The following NOTCH3 variants were observed in gnomAD, a reference collection of about 807,000 sequenced individuals.
NOTCH3 encodes notch receptor 3, also known as neurogenic locus notch homolog protein 3.
NOTCH3 carries 86 observed loss-of-function variants against 213.3 expected under a neutral mutation model. The ratio of observed to expected loss-of-function variants is 0.40; its 90% CI spans 0.34 to 0.48. The LOEUF is 0.48. NOTCH3 is among the 20% of genes least tolerant of loss of function. NOTCH3 has a pLI of 0.57. For synonymous variants in NOTCH3, 1,354 were observed against 1,355.9 expected, an observed-to-expected ratio of 1.00 and a Z score of 0.03; for missense variants, 2,783 against 3,272.6, an observed-to-expected ratio of 0.85 and a Z score of 3.65.
In NOTCH3 at chr19:15,185,524, G is replaced by A. The variant is rs1243021412; in HGVS notation, c.2107C>T (p.Pro703Ser). The A allele has an allele frequency of 1.2e-6, 2 of 1,613,384 alleles. No individual in the cohort carries two copies. The highest frequency in any genetic ancestry group is 1.7e-5 in the Admixed American group (1 of 59,978). The change falls in exon 13 of 33, where the codon CCC becomes TCC. Residue 703 changes from proline (P) to serine (S), a missense_variant. Pro to Ser is a moderately conservative substitution (Grantham distance 74). Transcript: ENST00000263388. This position sits in a 1 kb window ranked among gnomAD's most constrained non-coding sequence, Gnocchi z 4.2. ...LPPSHPCAHE[P>S]CSHGICYDAP... ...TCATAGCAGATGCCGTGACTGCAGG[G>A]CTCATGGGCACAGGGATGGCTCGGG...
Position 15,179,536 on chromosome 19 carries a change from G to A in NOTCH3, c.3328-40C>T, listed in dbSNP as rs539201275. ...GAGAGGGACCCACTCAGCTTAGTGG[G>A]ACACAGACCCACCTGGACATACCCA... On this transcript the variant is annotated intron_variant, in intron 20 of 32. Transcript: ENST00000263388. The A allele has an allele frequency of 3.7e-6, 6 of 1,610,480 alleles. No homozygotes were observed. In the African/African-American group the frequency reaches 6.7e-5, roughly 18 times the overall value.
At position 15,170,426 on chromosome 19, in the gene NOTCH3, GGTGCTGTGCTC is replaced by G; in HGVS notation, c.5008_5018del (p.Glu1670ProfsTer5). ...GTGAGAAGCCCTCAGGGAACCAGAG[GGTGCTGTGCTC>G]GCGCTTGCGCCGGGCCACCATGACA... On this transcript the variant is annotated frameshift_variant, in exon 27 of 33. Transcript: ENST00000263388. LOFTEE classifies it high-confidence loss of function. The G allele has an allele frequency of 6.2e-7, 1 of 1,612,978 alleles. No individual in the cohort carries two copies. Among genetic ancestry groups the G allele is most frequent in the Non-Finnish European group, 8.5e-7 (1 of 1,180,006 alleles).
chr19:15,184,611 G>A (rs750183179), intron 15 of NOTCH3, among the ~76,000 whole-genome samples, 161 bp from the exon 16 acceptor site: 8 of 152,160 alleles, frequency 5.3e-5, no homozygotes, highest in Non-Finnish European at 1.2e-4. Context: ...TTTCAGAATG[G>A]CCGTCTCCCT....
At chr19:15,197,441 G>GGGGGGCCC in intron 2 of NOTCH3, 59 bp downstream of exon 2, 1 of 768,362 alleles carries the variant, frequency 1.3e-6, no homozygotes, top group Non-Finnish European at 2.3e-6. Context: ...AAGACAAATC[G>GGGGGGCCC]CCCCTCCCCC....
rs570703724 is a variant in NOTCH3 at position 15,192,019 on chromosome 19, C to T, written c.620G>A (p.Arg207His). ...PAVPCAPSPC[R>H]NGGTCRQSGD... ...ACTCTGCCTGCAGGTGCCCCCGTTA[C>T]GGCATGGTGAGGGTGCACAGGGCAC... The change falls in exon 4 of 33, where the codon CGT becomes CAT. Residue 207 changes from arginine to histidine, a missense_variant. Physicochemically the swap from Arg to His is conservative, Grantham distance 29. Transcript: ENST00000263388. 22 of 1,613,252 alleles carry T rather than the reference C, an allele frequency of 1.4e-5. No homozygotes were observed. Among genetic ancestry groups the T allele is most frequent in the South Asian group, 5.5e-5 (5 of 91,082 alleles).
chr19:15,195,154 G>A (rs1447309876), intron 2 of NOTCH3, among the ~76,000 whole-genome samples: 1 of 151,984 alleles, frequency 6.6e-6, no homozygotes, highest in African/African-American at 2.4e-5. Flanking sequence ...CTCACTCACA[G>A]GGACAGACAG....
chr19:15,192,477 G>A lies in NOTCH3; in HGVS notation c.240C>T (p.Asp80=), dbSNP rs1256046042. The stretch of plus-strand genomic sequence containing the variant: ...CAGCACAGGGGCCTGAGTGACAGGG[G>A]TCCTCCAGCTGACACCGCTCACCCA... The part of the protein sequence containing the change: ...GWVGERCQLE[D]PCHSGPCAGR... The change falls in exon 3 of 33, where the codon GAC becomes GAT. Residue 80 remains aspartate (D), a synonymous_variant. Coordinates refer to ENST00000263388, the MANE Select transcript of NOTCH3 (RefSeq NM_000435.3). 1 of 1,608,698 alleles carries A rather than the reference G, an allele frequency of 6.2e-7. No individual in the cohort carries two copies.
At position 15,180,251 on chromosome 19, in the gene NOTCH3, G is replaced by T. The variant is rs371525707; in HGVS notation, c.3148C>A (p.Arg1050=). The T allele has an allele frequency of 1.9e-6, 3 of 1,613,572 alleles. No homozygotes were observed. The East Asian group carries it at 6.7e-5, about 36-fold the overall frequency. ...CCCGCCTGACACAGCTGCTCCAGCC[G>T]CACCCCTGCAAAGAGGAGAGTGGCA... ...CREAAAQIGV[R]LEQLCQAGGQ... The change falls in exon 20 of 33, where the codon CGG becomes AGG. Residue 1050 remains arginine (R), a synonymous_variant. Coordinates refer to ENST00000263388, the MANE Select transcript of NOTCH3 (RefSeq NM_000435.3).
Position 15,178,448 on chromosome 19 carries a change from C to T in NOTCH3, c.3838-358G>A, listed in dbSNP as rs1398073573. 7 of 444,658 alleles carry T rather than the reference C, an allele frequency of 1.6e-5. No homozygotes were observed. The Admixed American group carries it at 1.8e-4, about 11-fold the overall frequency. The allele number at this position is 444,658 out of a possible 1,614,324, so 27.5% of individuals were successfully genotyped here. A position where few individuals can be genotyped will look rare whatever the true frequency, so the allele number is the denominator to read the frequency against. On this transcript the variant is annotated intron_variant, in intron 23 of 32. Coordinates refer to ENST00000263388, the MANE Select transcript of NOTCH3 (RefSeq NM_000435.3). Reference sequence around the variant, plus strand: ...CAGTCGCCAGGCTGGAGTGCAATGGCGTGATGGCTCACTGCAACCTCCGCC... The same window carrying T: ...CAGTCGCCAGGCTGGAGTGCAATGGTGTGATGGCTCACTGCAACCTCCGCC...
chr19:15,199,018 C>T (rs1460924800), intron 1 of NOTCH3, among the ~76,000 whole-genome samples: 1 of 152,214 alleles, frequency 6.6e-6, no homozygotes, highest in Non-Finnish European at 1.5e-5. Context: ...TATGCCCCTT[C>T]CTCACAGGAC....
rs765961752 is a variant in NOTCH3 at position 15,185,519 on chromosome 19, G to A, written c.2112C>T (p.Cys704=). The A allele has an allele frequency of 5.6e-6, 9 of 1,613,464 alleles. No homozygotes were observed. The South Asian group carries it at 8.8e-5, about 16-fold the overall frequency. The change falls in exon 13 of 33, where the codon TGC becomes TGT. Residue 704 remains cysteine, a synonymous_variant. Coordinates refer to ENST00000263388, the MANE Select transcript of NOTCH3 (RefSeq NM_000435.3). This position sits in a 1 kb window ranked among gnomAD's most constrained non-coding sequence, Gnocchi z 4.2. The part of the protein sequence containing the change: ...PPSHPCAHEP[C]SHGICYDAPG... ...GTGCATCATAGCAGATGCCGTGACT[G>A]CAGGGCTCATGGGCACAGGGATGGC...
rs545768883 is a variant in NOTCH3 at position 15,179,019 on chromosome 19, G to A, written c.3718+6C>T. On this transcript the variant is annotated splice_donor_region_variant and intron_variant, in intron 22 of 32. Transcript: ENST00000263388. ...GTCCCAGGCCAGCCCCTTCGCCAACGCTTACCTGAGAAGCCAGCATGACAA... is the reference window on the plus strand; with the variant it reads ...GTCCCAGGCCAGCCCCTTCGCCAACACTTACCTGAGAAGCCAGCATGACAA... 1.5e-5 allele frequency: 24 copies of A among 1,614,200 alleles called. 1 individual carries two copies. The highest frequency in any genetic ancestry group is 3.3e-4 in the Middle Eastern group (2 of 6,060).
intron 7 of NOTCH3, 32 bp from the exon 8 acceptor site, chr19:15,189,206 G>A (rs2046908480): frequency 6.2e-7 from 1 of 1,613,092 alleles, no homozygotes. Flanking sequence ...GTGTGGGCGT[G>A]GCTGGCCGGG....
chr19:15,172,989 TCCTCCC>T (rs1336200929), intron 25 of NOTCH3, among the ~76,000 whole-genome samples: 4 of 133,468 alleles, frequency 3.0e-5, no homozygotes, highest in Admixed American at 3.0e-4. Context: ...TTCCTCCTCC[TCCTCCC>T]CCTCCCCCTC....
intron 2 of NOTCH3, 59 bp downstream of exon 2, chr19:15,197,441 G>GCGCCCCCCCC: frequency 2.1e-5 from 16 of 768,342 alleles, no homozygotes; most frequent in East Asian, 2.7e-5. Flanking sequence ...AAGACAAATC[G>GCGCCCCCCCC]CCCCTCCCCC....
intron 2 of NOTCH3, among the ~76,000 whole-genome samples, chr19:15,195,854 CGGGCCGG>C (rs2046965850): frequency 6.6e-6 from 1 of 151,724 alleles, no homozygotes; most frequent in Non-Finnish European, 1.5e-5. Context: ...GCCGACCGGT[CGGGCCGG>C]TTCCAGCCCC....
Position 15,170,336 on chromosome 19 carries a change from GC to G in NOTCH3, c.5108del (p.Gly1703AlafsTer2). 1 of 1,612,746 alleles carries G rather than the reference GC, an allele frequency of 6.2e-7. No individual in the cohort carries two copies. The highest frequency in any genetic ancestry group is 8.5e-7 in the Non-Finnish European group (1 of 1,179,572). On this transcript the variant is annotated frameshift_variant, in exon 27 of 33. Transcript: ENST00000263388. LOFTEE classifies it high-confidence loss of function. Reference sequence around the variant, plus strand: ...GGAGCGAGCAGGGTTCTCACTTCATGCCCAGCGCGTCCTGGCCCACGGGTTC... The same window carrying G: ...GGAGCGAGCAGGGTTCTCACTTCATGCCAGCGCGTCCTGGCCCACGGGTTC... Reference protein sequence around the residue: ...RREPVGQDALGMKNMAKGESL... With the variant: ...RREPVGQDALXMKNMAKGESL...
chr19:15,162,186 T>C (rs1264274058), intron 32 of NOTCH3: 2 of 467,452 alleles, frequency 4.3e-6, no homozygotes, highest in African/African-American at 2.0e-5. Context: ...TTTACTACGT[T>C]GGCCAGGCTG....
rs1218502456 is a variant in NOTCH3 at position 15,160,680 on chromosome 19, C to T, written c.6948G>A (p.Lys2316=). 4.3e-6 allele frequency: 7 copies of T among 1,613,986 alleles called. No homozygotes were observed. Among genetic ancestry groups the T allele is most frequent in the Non-Finnish European group, 5.9e-6 (7 of 1,179,986 alleles). ...GAGCGTCTCAGGCCAACACTTGCCT[C>T]TTGGGGGTAACTTCCGGCTGGGGCC... ...QLGPQPEVTP[K]RQVLA Residue 2316 remains lysine, a synonymous_variant, in exon 33 of 33, where the codon AAG becomes AAA. Coordinates refer to ENST00000263388, the MANE Select transcript of NOTCH3 (RefSeq NM_000435.3).
Sources: allele counts gnomAD v4.1 joint callset (sites outside exome capture counted in the v4.1 genomes callset), GRCh38; gene constraint gnomAD v4.1.1; non-coding constraint Gnocchi (gnomAD v3.1); transcripts MANE v1.5; gene names NCBI Gene and HGNC (gene_info 2026-07-23, HGNC 2026-07-21).